The following CADM2 variants were observed in gnomAD, a reference collection of about 807,000 sequenced individuals.
CADM2 encodes cell adhesion molecule 2, also known as immunoglobulin superfamily member 4D.
In CADM2, 12 loss-of-function variants were observed where a neutral mutation model predicts 49.8. That is an observed-to-expected ratio of 0.24 (90% confidence interval 0.15 to 0.39). CADM2 has a LOEUF of 0.39. CADM2 is among the 10% of genes least tolerant of loss of function. CADM2 has a pLI of 1.00. For missense variants in CADM2, 378 were observed against 492.3 expected (o/e 0.77, Z 2.20); for synonymous variants, 214 against 175.4 (o/e 1.22, Z -1.74).
chr3:85,186,717 G>A (rs1009401034), intron 1 of CADM2, among the ~76,000 whole-genome samples: 6 of 151,324 alleles, frequency 4.0e-5, no homozygotes, highest in African/African-American at 7.3e-5. Flanking sequence ...AATCGGAAAC[G>A]TCTCCAGAGG....
rs59640425 is a variant in CADM2, at chr3:85,697,084, C to CATATATATATGCCAT, written c.62-29428_62-29427insGCCATATATATATAT. On this transcript the variant is annotated intron_variant, in intron 1 of 9. Coordinates refer to ENST00000383699, the MANE Select transcript of CADM2 (RefSeq NM_001167675.2). ...CTGTCTTAATTATATATATATATGCCATATATATATATGCCATATATATAT... is the reference window on the plus strand; with the variant it reads ...CTGTCTTAATTATATATATATATGCCATATATATATGCCATATATATATATATGCCATATATATAT... Among the ~76,000 whole-genome samples, 202 of 35,528 alleles carry CATATATATATGCCAT rather than the reference C, an allele frequency of 5.7e-3. 2 individuals carry two copies. In the Middle Eastern group the frequency reaches 0.061, roughly 11 times the overall value. The allele number at this position is 35,528 out of a possible 152,430, so 23.3% of individuals were successfully genotyped here.
intron 1 of CADM2, among the ~76,000 whole-genome samples, chr3:85,594,058 G>A (rs191718957): frequency 6.6e-6 from 1 of 151,768 alleles, no homozygotes; most frequent in East Asian, 1.9e-4. Flanking sequence ...GGCTATTGCT[G>A]GTTACATATT....
intron 1 of CADM2, among the ~76,000 whole-genome samples, chr3:85,178,410 G>T (rs945058561): frequency 4.0e-5 from 6 of 151,704 alleles, no homozygotes; most frequent in African/African-American, 9.7e-5. Flanking sequence ...TTAATAAATT[G>T]TTTGTTGAAT....
chr3:85,937,050 G>A (rs1033985344), intron 7 of CADM2, among the ~76,000 whole-genome samples: 1 of 151,818 alleles, frequency 6.6e-6, no homozygotes, highest in East Asian at 1.9e-4. Flanking sequence ...GCCTGCTCAA[G>A]TAGCATCCAA....
At chr3:85,892,147 TG>T (rs1436437063) in intron 5 of CADM2, among the ~76,000 whole-genome samples, 1 of 152,218 alleles carries the variant, frequency 6.6e-6, no homozygotes, top group Non-Finnish European at 1.5e-5. Flanking sequence ...AAGCAAGAGC[TG>T]GTAAGTACCT....
At chr3:85,784,874 T>C (rs369712540) in intron 2 of CADM2, among the ~76,000 whole-genome samples, 1 of 152,192 alleles carries the variant, frequency 6.6e-6, no homozygotes, top group African/African-American at 2.4e-5. Flanking sequence ...ATTAGTTCTT[T>C]AAATATTTGT....
chr3:85,739,177 T>A lies in CADM2; in HGVS notation c.88+12629T>A, dbSNP rs1410013670. ...ATTATCACTTTATATATTCTATTAT[T>A]AAACTTTCACTTATACTGATTTCCA... On this transcript the variant is annotated intron_variant, in intron 2 of 9. Coordinates refer to ENST00000383699, the MANE Select transcript of CADM2 (RefSeq NM_001167675.2). Among the ~76,000 whole-genome samples the A allele has an allele frequency of 3.9e-5, 6 of 152,206 alleles. No individual in the cohort carries two copies. The East Asian group carries it at 1.2e-3, about 29-fold the overall frequency.
chr3:85,385,992 T>G (rs2034206520), intron 1 of CADM2, among the ~76,000 whole-genome samples: 1 of 152,138 alleles, frequency 6.6e-6, no homozygotes, highest in South Asian at 2.1e-4. Context: ...CAATTATATT[T>G]AAAACAAATA....
intron 1 of CADM2, among the ~76,000 whole-genome samples, chr3:85,243,094 G>C (rs1001139373): frequency 6.6e-6 from 1 of 151,742 alleles, no homozygotes; most frequent in Non-Finnish European, 1.5e-5. Context: ...AATTCCAAAT[G>C]AGAATGTAAT....
intron 1 of CADM2, among the ~76,000 whole-genome samples, chr3:85,110,392 C>A (rs182310389): frequency 5.9e-5 from 9 of 151,964 alleles, no homozygotes; most frequent in African/African-American, 2.2e-4. Flanking sequence ...AGACACAACA[C>A]TCTCATTTCT....
chr3:85,918,302 GC>G (rs2108497072), intron 6 of CADM2, among the ~76,000 whole-genome samples: 1 of 152,212 alleles, frequency 6.6e-6, no homozygotes. Flanking sequence ...GTCATAGATA[GC>G]TCTTATTATT....
chr3:85,494,547 C>T (rs772952878), intron 1 of CADM2, among the ~76,000 whole-genome samples: 3 of 152,056 alleles, frequency 2.0e-5, no homozygotes, highest in East Asian at 3.9e-4. Context: ...ATGTCTCAGG[C>T]ATAAAGTTGA....
chr3:85,844,960 G>A (rs986533042), intron 3 of CADM2, among the ~76,000 whole-genome samples: 1 of 151,674 alleles, frequency 6.6e-6, no homozygotes, highest in African/African-American at 2.4e-5. Flanking sequence ...AGACCAGCAT[G>A]GGCAACAGAG....
chr3:85,306,198 C>T lies in CADM2; in HGVS notation c.61+346530C>T, dbSNP rs147789602. ...ACAGCAATTCACCAAATATAAATAA[C>T]CAGAATGCTTAAATTTCAACAAAAA... On this transcript the variant is annotated intron_variant, in intron 1 of 9. Coordinates refer to ENST00000383699, the MANE Select transcript of CADM2 (RefSeq NM_001167675.2). Among the ~76,000 whole-genome samples, 237 of 151,642 alleles carry T rather than the reference C, an allele frequency of 1.6e-3. 1 individual carries two copies. The highest frequency in any genetic ancestry group is 5.2e-3 in the African/African-American group (217 of 41,480).
chr3:85,939,512 C>T (rs185846835), intron 7 of CADM2, among the ~76,000 whole-genome samples: 2 of 142,600 alleles, frequency 1.4e-5, no homozygotes, highest in Non-Finnish European at 3.0e-5. Flanking sequence ...CAACATGAAA[C>T]CTTTATATTA....
intron 1 of CADM2, among the ~76,000 whole-genome samples, chr3:85,142,667 T>G (rs1483897837): frequency 1.3e-5 from 2 of 152,164 alleles, no homozygotes; most frequent in Non-Finnish European, 2.9e-5. Flanking sequence ...TGCAACAAAT[T>G]TAGGTGATGA....
At chr3:85,082,697 G>A (rs1302861915) in intron 1 of CADM2, among the ~76,000 whole-genome samples, 1 of 152,102 alleles carries the variant, frequency 6.6e-6, no homozygotes, top group South Asian at 2.1e-4. Flanking sequence ...ACACGGTTAG[G>A]GGTCTTATTG....
At chr3:85,992,597 C>T (rs1245874775) in intron 8 of CADM2, 1 of 152,086 alleles carries the variant, frequency 6.6e-6, no homozygotes, top group Non-Finnish European at 1.5e-5. Context: ...GAGTCTCACA[C>T]ATTTTTGTTT....
At chr3:85,207,847 G>A (rs1246149236) in intron 1 of CADM2, among the ~76,000 whole-genome samples, 2 of 152,092 alleles carry the variant, frequency 1.3e-5, no homozygotes, top group African/African-American at 4.8e-5. Context: ...TCTCTTGAAA[G>A]GAGTTTTTTT....
Sources: gnomAD v4.1 joint callset for allele counts (sites outside exome capture counted in the v4.1 genomes callset) on GRCh38, gnomAD v4.1.1 for gene constraint, MANE v1.5 for transcripts, NCBI Gene and HGNC (gene_info 2026-07-23, HGNC 2026-07-21) for gene names.